Variants in VAV2 observed in about 807,000 individuals in gnomAD.
VAV2 encodes guanine nucleotide exchange factor VAV2.
Under a neutral mutation model 132.5 loss-of-function variants are expected in VAV2, and 67 were observed. The observed-to-expected ratio is 0.51, with a 90% CI of 0.42 to 0.62. The LOEUF is 0.62. Ranked by LOEUF, VAV2 falls within the 20% of genes least tolerant of loss-of-function variation. The pLI is 0.00. For synonymous variants in VAV2, 492 were observed against 443.5 expected (o/e 1.11, Z -1.37); for missense variants, 938 against 1,153.6 (o/e 0.81, Z 2.71).
At chr9:133,766,390 T>C (rs1020069590) in intron 29 of VAV2, among the ~76,000 whole-genome samples, 5 of 152,086 alleles carry the variant, frequency 3.3e-5, no homozygotes, top group Non-Finnish European at 1.5e-5. Context: ...CCAACAATGA[T>C]AGAATGGATT....
chr9:133,806,428 C>G (rs971827436), intron 8 of VAV2, among the ~76,000 whole-genome samples: 3 of 152,208 alleles, frequency 2.0e-5, no homozygotes, highest in African/African-American at 7.2e-5. Context: ...ACCAGCCCAT[C>G]AGACACGCAG....
At chr9:133,895,147 G>A (rs1839146745) in intron 2 of VAV2, among the ~76,000 whole-genome samples, 2 of 152,152 alleles carry the variant, frequency 1.3e-5, no homozygotes, top group South Asian at 4.1e-4. Flanking sequence ...AGGGGGACAG[G>A]GGCTCAACTC....
At chr9:133,832,571 TA>T (rs10599176) in intron 4 of VAV2, among the ~76,000 whole-genome samples, 10 of 149,562 alleles carry the variant, frequency 6.7e-5, no homozygotes, top group African/African-American at 2.0e-4. Context: ...TTTTTTTTTT[TA>T]CCCCAGACGG....
Position 133,883,012 on chromosome 9 carries a change from C to A in VAV2, c.322-21580G>T, listed in dbSNP as rs145204736. ...TGGCACCCTGGGTTCGGGATGTGGG[C>A]CCCACACCCACCCCATGCCAGGCTT... On this transcript the variant is annotated intron_variant, in intron 2 of 29. Coordinates refer to ENST00000371850, the MANE Select transcript of VAV2 (RefSeq NM_001134398.2). The surrounding 1 kb of genome is among the most constrained non-coding windows in gnomAD (Gnocchi z 4.2). 6.6e-6 allele frequency among the ~76,000 whole-genome samples: 1 copy of A among 152,086 alleles called. No individual in the cohort carries two copies. The highest frequency in any genetic ancestry group is 2.4e-5 in the African/African-American group (1 of 41,418).
rs372697222 is a variant in VAV2 at position 133,778,935 on chromosome 9, G to C, written c.1763-46C>G. On this transcript the variant is annotated intron_variant, in intron 21 of 29. Coordinates refer to ENST00000371850, the MANE Select transcript of VAV2 (RefSeq NM_001134398.2). ...CACTCAGTGACTCAGCAGCTCACTC[G>C]GTGACTGACTTGGCCCCGGCCCGCA... is the stretch of plus-strand genomic sequence containing the variant. The C allele has an allele frequency of 2.5e-6, 4 of 1,598,796 alleles. No homozygotes were observed. The East Asian group carries it at 9.0e-5, about 36-fold the overall frequency.
intron 3 of VAV2, among the ~76,000 whole-genome samples, chr9:133,850,541 T>A (rs994799585): frequency 6.6e-6 from 1 of 152,186 alleles, no homozygotes; most frequent in African/African-American, 2.4e-5. Context: ...GGGCTGAGTA[T>A]CAACATCATG....
intron 20 of VAV2, 60 bp downstream of exon 20, chr9:133,780,634 G>C: frequency 8.4e-7 from 1 of 1,187,190 alleles, no homozygotes; most frequent in South Asian, 2.8e-5. Context: ...TTCTGGCTCT[G>C]CGCACACAGG....
intron 4 of VAV2, among the ~76,000 whole-genome samples, chr9:133,831,894 G>A (rs1246991969): frequency 1.3e-5 from 2 of 152,222 alleles, no homozygotes; most frequent in Non-Finnish European, 2.9e-5. Flanking sequence ...TGGGCCAGTG[G>A]TGTCCCCTCT....
At chr9:133,818,258 C>T (rs1835645367) in intron 4 of VAV2, among the ~76,000 whole-genome samples, 2 of 151,246 alleles carry the variant, frequency 1.3e-5, no homozygotes, top group Admixed American at 6.6e-5. Context: ...CCCAGCTACT[C>T]AAGAGGCTGA....
chr9:133,933,678 T>G (rs552105436), intron 2 of VAV2, among the ~76,000 whole-genome samples: 4 of 76,108 alleles, frequency 5.3e-5, no homozygotes, highest in South Asian at 1.1e-3. Context: ...GACGGATGGA[T>G]AGATGAATGA....
At chr9:133,937,630 C>T (rs1840975263) in intron 2 of VAV2, among the ~76,000 whole-genome samples, 1 of 152,156 alleles carries the variant, frequency 6.6e-6, no homozygotes, top group African/African-American at 2.4e-5. Context: ...GCAAATTCAT[C>T]TCTGCTGCTT....
chr9:133,795,638 C>A, intron 12 of VAV2, 30 bp downstream of exon 12: 1 of 1,613,314 alleles, frequency 6.2e-7, no homozygotes, highest in Non-Finnish European at 8.5e-7. Context: ...CAGACGGTGG[C>A]TTCTCCCCTG....
chr9:133,899,543 G>C (rs1253753923), intron 2 of VAV2, among the ~76,000 whole-genome samples: 1 of 151,536 alleles, frequency 6.6e-6, no homozygotes, highest in Non-Finnish European at 1.5e-5. Context: ...CAAGTAGCAA[G>C]AAGCTGGGAT....
At chr9:133,933,017 G>T (rs567772695) in intron 2 of VAV2, among the ~76,000 whole-genome samples, 2 of 48,656 alleles carry the variant, frequency 4.1e-5, no homozygotes, top group African/African-American at 7.8e-5. Context: ...GCCAGTGGGC[G>T]GAGACCGCCC....
At position 133,923,527 on chromosome 9, in the gene VAV2, G is replaced by A. The variant is rs150940208; in HGVS notation, c.321+15576C>T. ...GGAGAGGATGTGGAGAAATAGGAAC[G>A]CTTTTACACTGTTGGTGGGAGTGTA... On this transcript the variant is annotated intron_variant, in intron 2 of 29. Transcript: ENST00000371850. 2.9e-3 allele frequency among the ~76,000 whole-genome samples: 439 copies of A among 152,278 alleles called. 3 individuals carry two copies. The highest frequency in any genetic ancestry group is 0.01 in the African/African-American group (418 of 41,550).
intron 9 of VAV2, among the ~76,000 whole-genome samples, chr9:133,798,125 A>G (rs892787439): frequency 2.6e-5 from 4 of 152,160 alleles, no homozygotes; most frequent in African/African-American, 4.8e-5. Context: ...ACCCCCAAAA[A>G]GGGCCAACAC....
chr9:133,873,923 A>G (rs1161414261), intron 2 of VAV2, among the ~76,000 whole-genome samples: 4 of 152,318 alleles, frequency 2.6e-5, no homozygotes, highest in Non-Finnish European at 2.9e-5. Flanking sequence ...TCTCCCAGAC[A>G]CGGCGTCCTC....
intron 1 of VAV2, among the ~76,000 whole-genome samples, chr9:133,945,089 C>G (rs1157666503): frequency 1.3e-5 from 2 of 152,228 alleles, no homozygotes; most frequent in African/African-American, 2.4e-5. Flanking sequence ...ACTGAGGTTT[C>G]AGGAGGTCAG....
intron 9 of VAV2, among the ~76,000 whole-genome samples, chr9:133,799,971 G>A (rs1047542598): frequency 1.1e-4 from 16 of 152,190 alleles, no homozygotes; most frequent in Admixed American, 5.2e-4. Context: ...AGAGCCATGC[G>A]CAGAAGACAC....
Sources: gnomAD v4.1 joint callset for allele counts (sites outside exome capture counted in the v4.1 genomes callset) on GRCh38, gnomAD v4.1.1 for gene constraint, Gnocchi (gnomAD v3.1) non-coding constraint, MANE v1.5 for transcripts, NCBI Gene and HGNC (gene_info 2026-07-23, HGNC 2026-07-21) for gene names.